The following TMEM181 variants were observed in gnomAD, a reference collection of about 807,000 sequenced individuals.
TMEM181 encodes the protein transmembrane protein 181.
TMEM181 carries 39 observed loss-of-function variants against 71.9 expected under a neutral mutation model. That is an observed-to-expected ratio of 0.54 (90% confidence interval 0.42 to 0.71). TMEM181 has a LOEUF of 0.71. TMEM181 is among the 30% of genes least tolerant of loss of function. The pLI is 0.00. For missense variants in TMEM181, 595 were observed against 583.0 expected, an observed-to-expected ratio of 1.02 and a Z score of -0.21; for synonymous variants, 245 against 228.8, an observed-to-expected ratio of 1.07 and a Z score of -0.64.
At position 158,607,230 on chromosome 6, in the gene TMEM181, G is replaced by C. The variant is rs376728503; in HGVS notation, c.574-14G>C. 21 of 1,611,382 alleles carry C rather than the reference G, an allele frequency of 1.3e-5. No individual in the cohort carries two copies. The African/African-American group carries it at 2.4e-4, about 18-fold the overall frequency. On this transcript the variant is annotated splice_polypyrimidine_tract_variant and intron_variant, in intron 7 of 16. Transcript: ENST00000684151. ...GAGCAAAGGCAGTAACTGGAGGCCT[G>C]ATTTGGTTTGCAGTGCCTGTTTGCG...
chr6:158,610,291 G>A (rs1583030050), intron 10 of TMEM181: 1 of 288,966 alleles, frequency 3.5e-6, no homozygotes, highest in Non-Finnish European at 7.0e-6. Flanking sequence ...TGGAAAATGA[G>A]GGTGACAGCC....
At chr6:158,586,813 C>T (rs1783798809) in intron 5 of TMEM181, among the ~76,000 whole-genome samples, 2 of 152,152 alleles carry the variant, frequency 1.3e-5, no homozygotes, top group South Asian at 2.1e-4. Context: ...TGGGATCAAG[C>T]CTTCCCTGCC....
intron 1 of TMEM181, among the ~76,000 whole-genome samples, chr6:158,538,508 G>T (rs1056833893): frequency 1.3e-5 from 2 of 150,834 alleles, no homozygotes; most frequent in Non-Finnish European, 2.9e-5. Flanking sequence ...TGGCAACACA[G>T]CTAGTGAAAG....
At chr6:158,546,561 T>A (rs946696862) in intron 1 of TMEM181, among the ~76,000 whole-genome samples, 6 of 152,196 alleles carry the variant, frequency 3.9e-5, no homozygotes, top group Non-Finnish European at 5.9e-5. Context: ...GGAGCTGATG[T>A]GGCATGGATT....
At chr6:158,599,101 G>T (rs1198723423) in intron 6 of TMEM181, among the ~76,000 whole-genome samples, 1 of 152,236 alleles carries the variant, frequency 6.6e-6, no homozygotes, top group African/African-American at 2.4e-5. Flanking sequence ...CCATTCAGAG[G>T]ACTCTGAGGA....
intron 3 of TMEM181, among the ~76,000 whole-genome samples, chr6:158,583,548 C>T (rs1376406642): frequency 2.0e-5 from 3 of 152,092 alleles, no homozygotes; most frequent in African/African-American, 7.2e-5. Flanking sequence ...ATGCCTGTAA[C>T]CTAGCGCTTT....
intron 1 of TMEM181, among the ~76,000 whole-genome samples, chr6:158,553,639 A>G (rs1781785527): frequency 1.3e-5 from 2 of 152,248 alleles, no homozygotes; most frequent in African/African-American, 4.8e-5. Context: ...ATGAAGACCA[A>G]TATAAAACTG....
chr6:158,561,564 G>T (rs1183387927), intron 1 of TMEM181, among the ~76,000 whole-genome samples: 1 of 152,226 alleles, frequency 6.6e-6, no homozygotes, highest in East Asian at 1.9e-4. Flanking sequence ...TGCTTTTTCA[G>T]TAGGAGAGAG....
rs571082637 is a variant in TMEM181 at position 158,579,392 on chromosome 6, G to A, written c.113-1548G>A. Among the ~76,000 whole-genome samples the A allele has an allele frequency of 5.3e-5, 8 of 152,058 alleles. No individual in the cohort carries two copies. The East Asian group carries it at 1.6e-3, about 30-fold the overall frequency. On this transcript the variant is annotated intron_variant, in intron 2 of 16. Transcript: ENST00000684151. Reference sequence around the variant, plus strand: ...ATAAATGGACAGAGGAATGAAATGTGGTGTACACATACAATGGAATATTTA... The same window carrying A: ...ATAAATGGACAGAGGAATGAAATGTAGTGTACACATACAATGGAATATTTA...
intron 5 of TMEM181, among the ~76,000 whole-genome samples, chr6:158,589,339 G>A (rs1051195978): frequency 4.6e-5 from 7 of 152,218 alleles, no homozygotes; most frequent in African/African-American, 1.2e-4. Flanking sequence ...CTTAGCTTAC[G>A]TTTCCCCTGT....
intron 10 of TMEM181, chr6:158,621,418 A>G (rs1583048514): frequency 1.4e-5 from 3 of 220,490 alleles, no homozygotes. Flanking sequence ...CTGCGGCAGG[A>G]TGAGCCCCAG....
intron 6 of TMEM181, among the ~76,000 whole-genome samples, chr6:158,602,745 T>G (rs1269124773): frequency 1.3e-5 from 2 of 152,048 alleles, no homozygotes; most frequent in Admixed American, 1.3e-4. Context: ...CTGGCTAATT[T>G]TTTTATTTTT....
At chr6:158,618,402 G>A (rs984507784) in intron 10 of TMEM181, among the ~76,000 whole-genome samples, 1 of 152,080 alleles carries the variant, frequency 6.6e-6, no homozygotes. Context: ...ACGTGAGATG[G>A]GTCTCCTGAA....
At chr6:158,562,316 G>A (rs2362574) in intron 1 of TMEM181, among the ~76,000 whole-genome samples, 1 of 151,980 alleles carries the variant, frequency 6.6e-6, no homozygotes, top group African/African-American at 2.4e-5. Context: ...GTCTGAGGAC[G>A]GTGTGGGGCG....
At chr6:158,582,230 A>G (rs1783522828) in intron 3 of TMEM181, among the ~76,000 whole-genome samples, 3 of 152,064 alleles carry the variant, frequency 2.0e-5, no homozygotes, top group Non-Finnish European at 2.9e-5. Flanking sequence ...TCCTGATAGT[A>G]GTTCATCTTT....
intron 14 of TMEM181, 76 bp downstream of exon 14, chr6:158,628,566 CCT>C (rs1786472892): frequency 8.0e-6 from 11 of 1,369,418 alleles, no homozygotes; most frequent in South Asian, 1.2e-5. Context: ...CAGATTTGCC[CCT>C]CTCAAGAGGA....
intron 2 of TMEM181, among the ~76,000 whole-genome samples, chr6:158,576,798 C>T (rs927888379): frequency 1.3e-5 from 2 of 152,154 alleles, no homozygotes; most frequent in Admixed American, 6.5e-5. Flanking sequence ...CGTGGTGGCT[C>T]ATGCCTGTAA....
chr6:158,552,900 A>C (rs1208520181), intron 1 of TMEM181, among the ~76,000 whole-genome samples: 1 of 152,206 alleles, frequency 6.6e-6, no homozygotes, highest in Non-Finnish European at 1.5e-5. Flanking sequence ...GCAGAAATAG[A>C]AACTGTCAGC....
In TMEM181 at chr6:158,632,684, G is replaced by C. The variant is rs182733607; in HGVS notation, c.*796G>C. On this transcript the variant is annotated 3_prime_UTR_variant, in exon 17 of 17. Coordinates refer to ENST00000684151, the MANE Select transcript of TMEM181 (RefSeq NM_001376852.1). ...TTGCCTGTGGGAGGTATGGGCAGGA[G>C]AGGAACCCTTACCATTCCAGTAAAT... 1 of 152,278 alleles carries C rather than the reference G, an allele frequency of 6.6e-6. No individual in the cohort carries two copies. Among genetic ancestry groups the C allele is most frequent in the Non-Finnish European group, 1.5e-5 (1 of 68,078 alleles). The allele number at this position is 152,278 out of a possible 1,614,324, so 9.4% of individuals were successfully genotyped here.
Sources: gnomAD v4.1 joint callset for allele counts (sites outside exome capture counted in the v4.1 genomes callset) on GRCh38, gnomAD v4.1.1 for gene constraint, MANE v1.5 for transcripts, NCBI Gene and HGNC (gene_info 2026-07-23, HGNC 2026-07-21) for gene names.